Variants in RET observed in about 807,000 individuals in gnomAD.
RET encodes the protein ret proto-oncogene.
A neutral mutation model predicts 118.3 loss-of-function variants in RET; 19 were observed. That is an observed-to-expected ratio of 0.16 (90% CI 0.11 to 0.24). The LOEUF (loss-of-function observed/expected upper bound fraction) is 0.24. Among genes scored for constraint, RET ranks in the 10% least tolerant of loss-of-function variants. The pLI is 1.00. For synonymous variants in RET, 597 were observed against 644.1 expected, an observed-to-expected ratio of 0.93 and a Z score of 1.11; for missense variants, 1,219 against 1,502.1, an observed-to-expected ratio of 0.81 and a Z score of 3.12.
chr10:43,083,636 G>C (rs1837233183), intron 1 of RET, among the ~76,000 whole-genome samples: 1 of 152,196 alleles, frequency 6.6e-6, no homozygotes, highest in Non-Finnish European at 1.5e-5. Flanking sequence ...GCGGGGATGG[G>C]GGCACGCAGG....
At chr10:43,126,826 C>G in intron 19 of RET, 104 bp downstream of exon 19, 1 of 1,528,522 alleles carries the variant, frequency 6.5e-7, no homozygotes, top group Non-Finnish European at 8.8e-7. Flanking sequence ...CTGAACAAAA[C>G]CAAAGTCTGC....
intron 3 of RET, 22 bp downstream of exon 3, chr10:43,102,651 C>A: frequency 6.2e-7 from 1 of 1,613,448 alleles, no homozygotes; most frequent in Non-Finnish European, 8.5e-7. Context: ...CCTTGTGGGG[C>A]CGCCCCACAG....
rs867764036 is a variant in RET, at chr10:43,128,880, C to T, written c.*611C>T. ...GAATGATTTTTTTTAAATCATGCAA[C>T]CTTTCCTTAGGAAGACATTTGGTTT... On this transcript the variant is annotated 3_prime_UTR_variant, in exon 20 of 20. Coordinates refer to ENST00000355710, the MANE Select transcript of RET (RefSeq NM_020975.6). 1.3e-5 allele frequency: 3 copies of T among 238,442 alleles called. No individual in the cohort carries two copies. The highest frequency in any genetic ancestry group is 2.5e-5 in the Non-Finnish European group (3 of 121,234). The allele number at this position is 238,442 out of a possible 1,614,324, so 14.8% of individuals were successfully genotyped here. A position where few individuals can be genotyped will look rare whatever the true frequency, so the allele number is the denominator to read the frequency against.
chr10:43,100,368 A>T (rs2132654556), intron 1 of RET, 91 bp from the exon 2 acceptor site: 1 of 1,469,762 alleles, frequency 6.8e-7, no homozygotes, highest in Non-Finnish European at 9.4e-7. Flanking sequence ...TCCTGCTAAG[A>T]TCGGAATTTT....
At chr10:43,124,218 A>G (rs1838282136) in intron 17 of RET, among the ~76,000 whole-genome samples, 2 of 152,114 alleles carry the variant, frequency 1.3e-5, no homozygotes, top group Admixed American at 1.3e-4. Context: ...TTACACTCTC[A>G]GGGGAGATGG....
At chr10:43,081,608 C>T (rs541162935) in intron 1 of RET, among the ~76,000 whole-genome samples, 1 of 152,164 alleles carries the variant, frequency 6.6e-6, no homozygotes, top group Non-Finnish European at 1.5e-5. Flanking sequence ...CTGCCAGAGC[C>T]GTCTTCTGTG....
rs917017143 is a variant in RET at position 43,114,982 on chromosome 10, A to T, written c.2136+246A>T. ...TCAGGGTCACAGCATCGGGCAGGGGAGCAGCAGTGTGGATGGAGGGGCACT... is the reference window on the plus strand; with the variant it reads ...TCAGGGTCACAGCATCGGGCAGGGGTGCAGCAGTGTGGATGGAGGGGCACT... On this transcript the variant is annotated intron_variant, in intron 11 of 19. Transcript: ENST00000355710. This position sits in a 1 kb window ranked among gnomAD's most constrained non-coding sequence, Gnocchi z 4.6. 6.6e-6 allele frequency among the ~76,000 whole-genome samples: 1 copy of T among 152,050 alleles called. No individual in the cohort carries two copies. The highest frequency in any genetic ancestry group is 2.4e-5 in the African/African-American group (1 of 41,414).
chr10:43,080,251 C>T (rs1299240348), intron 1 of RET, among the ~76,000 whole-genome samples: 3 of 152,200 alleles, frequency 2.0e-5, no homozygotes, highest in Non-Finnish European at 2.9e-5. Flanking sequence ...AGGGAAGGCC[C>T]GGAAGCTGCC....
chr10:43,080,638 C>A (rs147767633), intron 1 of RET, among the ~76,000 whole-genome samples: 1,939 of 152,344 alleles, frequency 0.013, 20 homozygotes, highest in Admixed American at 0.033. Context: ...TGAGTCCCCC[C>A]ACCTCGGGCT....
chr10:43,125,769 G>A (rs540664795), intron 18 of RET, among the ~76,000 whole-genome samples: 21 of 152,308 alleles, frequency 1.4e-4, no homozygotes, highest in Admixed American at 1.1e-3. Context: ...TTACTGAGTT[G>A]TCACTTCTTC....
At chr10:43,127,069 C>A in intron 19 of RET, 2 of 1,217,592 alleles carry the variant, frequency 1.6e-6, no homozygotes, top group Non-Finnish European at 2.1e-6. Flanking sequence ...TCTACTTTAA[C>A]TAAGTGGATA....
In RET at chr10:43,077,179, G is replaced by C. The variant is rs1837060933; in HGVS notation, c.-80G>C. The C allele has an allele frequency of 7.3e-7, 1 of 1,377,472 alleles. No homozygotes were observed. Among genetic ancestry groups the C allele is most frequent in the Admixed American group, 3.1e-5 (1 of 32,358 alleles). The allele number at this position is 1,377,472 out of a possible 1,614,324, so 85.3% of individuals were successfully genotyped here. ...GCCCCGGGCGGGGATGGGGCGGCCA[G>C]ACTGAGCGCCGCACCCGCCATCCAG... On this transcript the variant is annotated 5_prime_UTR_variant, in exon 1 of 20. Transcript: ENST00000355710.
At chr10:43,081,189 C>T (rs1281489907) in intron 1 of RET, among the ~76,000 whole-genome samples, 1 of 151,342 alleles carries the variant, frequency 6.6e-6, no homozygotes, top group Non-Finnish European at 1.5e-5. Flanking sequence ...TGGGCCCCCC[C>T]CATCCCCCCT....
chr10:43,100,860 AG>A, intron 2 of RET, 138 bp downstream of exon 2: 1 of 929,864 alleles, frequency 1.1e-6, no homozygotes, highest in South Asian at 1.5e-5. Context: ...GGGTTAAGTG[AG>A]GCTGGCCTGC....
At chr10:43,090,980 G>T (rs1837399024) in intron 1 of RET, among the ~76,000 whole-genome samples, 1 of 151,722 alleles carries the variant, frequency 6.6e-6, no homozygotes, top group African/African-American at 2.4e-5. Context: ...CCGTGCCCAG[G>T]TGTGTACCTG....
rs1445145798 is a variant in RET at position 43,124,743 on chromosome 10, C to T, written c.2940-140C>T. ...GTCCCACGAGGCTCAGAGATGTCAG[C>T]GATGCAGAAATAGCTTTGGAGTTGG... is the stretch of plus-strand genomic sequence containing the variant. On this transcript the variant is annotated intron_variant, in intron 17 of 19. Transcript: ENST00000355710. 12 of 848,170 alleles carry T rather than the reference C, an allele frequency of 1.4e-5. 1 individual carries two copies. The highest frequency in any genetic ancestry group is 9.6e-5 in the South Asian group (7 of 73,278). The allele number at this position is 848,170 out of a possible 1,614,324, so 52.5% of individuals were successfully genotyped here.
intron 6 of RET, among the ~76,000 whole-genome samples, chr10:43,110,700 TCTTGTGGCTGGGGTTCAGTG>T (rs1439165462): frequency 6.6e-6 from 1 of 151,308 alleles, no homozygotes; most frequent in Non-Finnish European, 1.5e-5. Flanking sequence ...TGCTCCCGAG[TCTTGTGGCTGGGGTTCAGTG>T]CTCTGACCAG....
intron 3 of RET, among the ~76,000 whole-genome samples, chr10:43,103,848 G>A (rs114073261): frequency 1.5e-3 from 225 of 152,352 alleles, no homozygotes; most frequent in African/African-American, 5.2e-3. Flanking sequence ...TCATGCGCAA[G>A]GCATGGTTCT....
chr10:43,100,742 ACCCACCCCGTGC>A lies in RET; in HGVS notation c.337+29_337+40del. ...TCCGCAGTAAGGGAGCCGCCCCAAC[ACCCACCCCGTGC>A]CCCACCCCACCCCTTCCTCAAGCCG... On this transcript the variant is annotated intron_variant, in intron 2 of 19. Coordinates refer to ENST00000355710, the MANE Select transcript of RET (RefSeq NM_020975.6). 4 of 1,561,890 alleles carry A rather than the reference ACCCACCCCGTGC, an allele frequency of 2.6e-6. No homozygotes were observed. The highest frequency in any genetic ancestry group is 3.5e-6 in the Non-Finnish European group (4 of 1,154,014).
Sources: gnomAD v4.1 joint callset for allele counts (sites outside exome capture counted in the v4.1 genomes callset) on GRCh38, gnomAD v4.1.1 for gene constraint, Gnocchi (gnomAD v3.1) non-coding constraint, MANE v1.5 for transcripts, NCBI Gene and HGNC (gene_info 2026-07-23, HGNC 2026-07-21) for gene names.